The following GLIS3 variants were observed in gnomAD, a reference collection of about 807,000 sequenced individuals.
GLIS3 encodes zinc finger protein GLIS3.
A neutral mutation model predicts 78.6 loss-of-function variants in GLIS3; 53 were observed. That is an observed-to-expected ratio of 0.67 (90% CI 0.54 to 0.85). The LOEUF (loss-of-function observed/expected upper bound fraction) is 0.85, where lower values mean the gene tolerates loss of function less well. GLIS3 is among the 40% of genes least tolerant of loss of function. The pLI is 0.00. For missense variants in GLIS3, 1,703 were observed against 1,231.1 expected, an observed-to-expected ratio of 1.38 and a Z score of -5.74; for synonymous variants, 684 against 509.9, an observed-to-expected ratio of 1.34 and a Z score of -4.60.
At chr9:4,105,754 T>G (rs1830702695) in intron 4 of GLIS3, among the ~76,000 whole-genome samples, 2 of 152,172 alleles carry the variant, frequency 1.3e-5, no homozygotes, top group African/African-American at 2.4e-5. Context: ...TTATTCAGAT[T>G]ATACAGCTCT....
the GLIS3 span, among the ~76,000 whole-genome samples, chr9:4,411,816 T>C: frequency 6.6e-6 from 1 of 152,228 alleles, no homozygotes; most frequent in Admixed American, 6.5e-5. Flanking sequence ...AATCCTCTTC[T>C]CCTACAAGCT....
chr9:3,979,622 C>G (rs920165756), intron 4 of GLIS3, among the ~76,000 whole-genome samples: 9 of 152,138 alleles, frequency 5.9e-5, no homozygotes, highest in African/African-American at 2.2e-4. Flanking sequence ...GGGCCTTTCC[C>G]TGTGTCCCCA....
intron 2 of GLIS3, among the ~76,000 whole-genome samples, chr9:4,193,115 A>G (rs1356349874): frequency 6.6e-6 from 1 of 152,258 alleles, no homozygotes; most frequent in Non-Finnish European, 1.5e-5. Context: ...GTTCAGACTT[A>G]TATTTTACTT....
At chr9:4,119,154 TAATA>T (rs1368774269) in intron 3 of GLIS3, among the ~76,000 whole-genome samples, 3 of 152,184 alleles carry the variant, frequency 2.0e-5, no homozygotes, top group Non-Finnish European at 2.9e-5. Context: ...AATACTTGAG[TAATA>T]AATAGTCCTT....
intron 1 of GLIS3, among the ~76,000 whole-genome samples, chr9:4,286,835 A>G (rs915619317): frequency 1.3e-5 from 2 of 152,204 alleles, no homozygotes; most frequent in Non-Finnish European, 2.9e-5. Flanking sequence ...TTTGTTCCCT[A>G]GAGGATCTGT....
chr9:4,208,122 G>C (rs1441714579), intron 2 of GLIS3, among the ~76,000 whole-genome samples: 1 of 152,160 alleles, frequency 6.6e-6, no homozygotes, highest in Non-Finnish European at 1.5e-5. Context: ...TTTCATTTGA[G>C]TTCAGTCCCC....
chr9:3,955,974 C>T (rs1228750600), intron 4 of GLIS3, among the ~76,000 whole-genome samples: 1 of 140,624 alleles, frequency 7.1e-6, no homozygotes, highest in African/African-American at 2.7e-5. Context: ...AGGACCATAC[C>T]ATAGACTGCT....
At chr9:4,092,050 C>A (rs1046787918) in intron 4 of GLIS3, among the ~76,000 whole-genome samples, 1 of 151,948 alleles carries the variant, frequency 6.6e-6, no homozygotes, top group South Asian at 2.1e-4. Context: ...TTCCTGTACA[C>A]AACTGTAGAC....
chr9:3,951,866 AC>A, intron 4 of GLIS3, among the ~76,000 whole-genome samples: 1 of 149,764 alleles, frequency 6.7e-6, no homozygotes, highest in Admixed American at 6.7e-5. Context: ...ACACACACAC[AC>A]ACACACACAC....
intron 4 of GLIS3, among the ~76,000 whole-genome samples, chr9:4,306,555 A>C (rs957178920): frequency 1.4e-4 from 21 of 152,240 alleles, no homozygotes; most frequent in African/African-American, 5.1e-4. Context: ...ACCTAATAGG[A>C]AATACATTCA....
At chr9:4,404,449 G>T in the GLIS3 span, among the ~76,000 whole-genome samples, 1 of 152,114 alleles carries the variant, frequency 6.6e-6, no homozygotes, top group African/African-American at 2.4e-5. Flanking sequence ...TTTTTCTCAA[G>T]AATAGACCAT....
intron 4 of GLIS3, among the ~76,000 whole-genome samples, chr9:4,013,336 A>G (rs1822186673): frequency 6.6e-6 from 1 of 151,854 alleles, no homozygotes. Context: ...TTCCTTGTAT[A>G]TTTTCTTTTT....
chr9:3,833,644 T>G (rs958546968), intron 9 of GLIS3, among the ~76,000 whole-genome samples: 1 of 152,202 alleles, frequency 6.6e-6, no homozygotes, highest in Non-Finnish European at 1.5e-5. Flanking sequence ...ACATCATCCT[T>G]GTCTTTGAGG....
At chr9:4,266,584 G>A (rs1237557983) in intron 2 of GLIS3, among the ~76,000 whole-genome samples, 1 of 119,748 alleles carries the variant, frequency 8.4e-6, no homozygotes, top group African/African-American at 3.4e-5. Flanking sequence ...TTTTACACAT[G>A]CATGCGCGTG....
intron 2 of GLIS3, among the ~76,000 whole-genome samples, chr9:4,159,473 C>G (rs1430856061): frequency 6.6e-6 from 1 of 152,176 alleles, no homozygotes; most frequent in Non-Finnish European, 1.5e-5. Flanking sequence ...AATCCCAGCA[C>G]TTTAGGAGCC....
the GLIS3 span, among the ~76,000 whole-genome samples, chr9:4,400,728 C>T: frequency 6.6e-6 from 1 of 152,176 alleles, no homozygotes; most frequent in African/African-American, 2.4e-5. Context: ...ACCACCTTAG[C>T]CACAGTAGGA....
chr9:3,897,936 G>A (rs141965042), intron 7 of GLIS3, among the ~76,000 whole-genome samples: 245 of 152,312 alleles, frequency 1.6e-3, no homozygotes, highest in Middle Eastern at 6.8e-3. Flanking sequence ...GGAATGTGGA[G>A]CTGGTAAATC....
chr9:4,267,977 A>G lies in GLIS3; in HGVS notation c.388+18061T>C, dbSNP rs371548807. Among the ~76,000 whole-genome samples the G allele has an allele frequency of 1.5e-3, 194 of 129,262 alleles. 2 individuals are homozygous for G. In the East Asian group the frequency reaches 0.034, roughly 23 times the overall value. The allele number at this position is 129,262 out of a possible 152,430, so 84.8% of individuals were successfully genotyped here. On this transcript the variant is annotated intron_variant, in intron 2 of 10. Transcript: ENST00000381971. ...TGTGTGTGTGTGTGTGTGTGTGTGT[A>G]TGTGCATGTGTATATATATGTGTGT...
the GLIS3 span, among the ~76,000 whole-genome samples, chr9:4,373,492 C>G: frequency 6.6e-6 from 1 of 152,166 alleles, no homozygotes; most frequent in Admixed American, 6.5e-5. Flanking sequence ...GGGGGAAAAA[C>G]TGTTGAAGCT....
Sources: allele counts gnomAD v4.1 joint callset (sites outside exome capture counted in the v4.1 genomes callset), GRCh38; gene constraint gnomAD v4.1.1; transcripts MANE v1.5; gene names NCBI Gene and HGNC (gene_info 2026-07-23, HGNC 2026-07-21).